Variants in CAMK2D observed in about 807,000 individuals in gnomAD.
CAMK2D encodes the protein calcium/calmodulin dependent protein kinase II delta.
In CAMK2D, 37 loss-of-function variants were observed where a neutral mutation model predicts 84.0. The observed-to-expected ratio is 0.44, with a 90% confidence interval of 0.34 to 0.58. The LOEUF (loss-of-function observed/expected upper bound fraction) is 0.58. Ranked by LOEUF, CAMK2D falls within the 20% of genes least tolerant of loss-of-function variation. CAMK2D has a pLI of 0.02. For synonymous variants in CAMK2D, 202 were observed against 212.5 expected, an observed-to-expected ratio of 0.95 and a Z score of 0.43; for missense variants, 448 against 652.5, an observed-to-expected ratio of 0.69 and a Z score of 3.41.
At chr4:113,700,594 G>A (rs1313093523) in intron 2 of CAMK2D, among the ~76,000 whole-genome samples, 1 of 152,168 alleles carries the variant, frequency 6.6e-6, no homozygotes, top group African/African-American at 2.4e-5. Flanking sequence ...CAAAACCAGA[G>A]TAGTGTAAGA....
At chr4:113,613,752 GT>G (rs1240200344) in intron 3 of CAMK2D, among the ~76,000 whole-genome samples, 2 of 152,106 alleles carry the variant, frequency 1.3e-5, no homozygotes, top group Non-Finnish European at 2.9e-5. Context: ...ATGCTAGCAA[GT>G]TGAAGAATCT....
chr4:113,470,009 C>T (rs1291315729), intron 16 of CAMK2D, among the ~76,000 whole-genome samples: 1 of 151,560 alleles, frequency 6.6e-6, no homozygotes, highest in Non-Finnish European at 1.5e-5. Flanking sequence ...GCAACCACCT[C>T]TCTCTCTCTC....
chr4:113,710,290 G>A (rs1010452612), intron 2 of CAMK2D, among the ~76,000 whole-genome samples: 2 of 152,056 alleles, frequency 1.3e-5, no homozygotes, highest in African/African-American at 2.4e-5. Flanking sequence ...TAATTTAGAG[G>A]ATATTCATAT....
chr4:113,681,989 T>C (rs988426409), intron 2 of CAMK2D, among the ~76,000 whole-genome samples: 5 of 152,138 alleles, frequency 3.3e-5, no homozygotes, highest in Non-Finnish European at 7.4e-5. Flanking sequence ...TACCAAAATA[T>C]ACTAGAAAAA....
chr4:113,518,639 G>C (rs2098316855), intron 8 of CAMK2D, among the ~76,000 whole-genome samples: 1 of 152,006 alleles, frequency 6.6e-6, no homozygotes, highest in South Asian at 2.1e-4. Context: ...CTTTTTTCTT[G>C]CTATGTTTCC....
chr4:113,701,877 T>G (rs1265751587), intron 2 of CAMK2D, among the ~76,000 whole-genome samples: 1 of 152,032 alleles, frequency 6.6e-6, no homozygotes, highest in Non-Finnish European at 1.5e-5. Context: ...GCCCAGCAAA[T>G]TTTTGTAGAG....
At chr4:113,615,090 T>C (rs1014957096) in intron 3 of CAMK2D, among the ~76,000 whole-genome samples, 3 of 152,114 alleles carry the variant, frequency 2.0e-5, no homozygotes, top group African/African-American at 7.2e-5. Context: ...TAGTTGGATT[T>C]GGTTCACATA....
At chr4:113,710,694 T>C (rs2099489495) in intron 2 of CAMK2D, among the ~76,000 whole-genome samples, 2 of 152,224 alleles carry the variant, frequency 1.3e-5, no homozygotes, top group Non-Finnish European at 2.9e-5. Context: ...ATATTGCTGC[T>C]GTCTCAGCTG....
chr4:113,556,000 C>G (rs552634116), intron 4 of CAMK2D, among the ~76,000 whole-genome samples: 1 of 152,112 alleles, frequency 6.6e-6, no homozygotes, highest in African/African-American at 2.4e-5. Context: ...AACCAGACCA[C>G]GCTGGCACGC....
At chr4:113,595,263 A>G (rs2098919134) in intron 4 of CAMK2D, among the ~76,000 whole-genome samples, 2 of 151,426 alleles carry the variant, frequency 1.3e-5, no homozygotes, top group African/African-American at 4.8e-5. Context: ...TGTTTAAAAC[A>G]AAGTTTTCAG....
intron 8 of CAMK2D, among the ~76,000 whole-genome samples, chr4:113,524,482 A>C (rs2098401306): frequency 6.6e-6 from 1 of 152,146 alleles, no homozygotes; most frequent in African/African-American, 2.4e-5. Flanking sequence ...CTTCTTTTTT[A>C]AGGTTGTATA....
chr4:113,688,910 C>CAAAAAAAAAAAAAAAAAAAAAATAA (rs2099369026), intron 2 of CAMK2D, among the ~76,000 whole-genome samples: 1 of 49,716 alleles, frequency 2.0e-5, no homozygotes, highest in Admixed American at 2.8e-4. Flanking sequence ...AAAGAAGATG[C>CAAAAAAAAAAAAAAAAAAAAAATAA]AAAAAAAAAA....
chr4:113,618,435 C>G (rs2099030762), intron 3 of CAMK2D, among the ~76,000 whole-genome samples: 1 of 152,142 alleles, frequency 6.6e-6, no homozygotes, highest in Non-Finnish European at 1.5e-5. Context: ...TTAACACTTG[C>G]AACTGTATTT....
At chr4:113,749,459 A>T (rs1423070558) in intron 2 of CAMK2D, among the ~76,000 whole-genome samples, 2 of 152,188 alleles carry the variant, frequency 1.3e-5, no homozygotes, top group Admixed American at 1.3e-4. Flanking sequence ...ACTAAAAAAA[A>T]TCAAATATCC....
At chr4:113,635,781 T>C (rs2099107712) in intron 3 of CAMK2D, among the ~76,000 whole-genome samples, 1 of 152,216 alleles carries the variant, frequency 6.6e-6, no homozygotes, top group Non-Finnish European at 1.5e-5. Context: ...GCATTTATGG[T>C]ATATTGATAA....
At chr4:113,508,956 T>C (rs990733519) in intron 13 of CAMK2D, among the ~76,000 whole-genome samples, 2 of 152,220 alleles carry the variant, frequency 1.3e-5, no homozygotes, top group African/African-American at 4.8e-5. Context: ...ACAAACATCA[T>C]TATGTACCAT....
chr4:113,466,024 G>C (rs2097457345), intron 16 of CAMK2D, among the ~76,000 whole-genome samples: 1 of 152,016 alleles, frequency 6.6e-6, no homozygotes, highest in African/African-American at 2.4e-5. Context: ...GGCCGAGGTG[G>C]GCGGATCACC....
intron 16 of CAMK2D, among the ~76,000 whole-genome samples, chr4:113,480,214 C>T (rs35370464): frequency 0.19 from 28,494 of 151,904 alleles, 3,104 homozygotes; most frequent in Non-Finnish European, 0.26. Context: ...CCGCCCGCCT[C>T]GGCCTCCCAA....
intron 2 of CAMK2D, among the ~76,000 whole-genome samples, chr4:113,721,975 G>C (rs1216626804): frequency 6.6e-6 from 1 of 151,996 alleles, no homozygotes; most frequent in Non-Finnish European, 1.5e-5. Context: ...ACTAAGTTAG[G>C]AATATAAACT....
Sources: allele counts gnomAD v4.1 joint callset (sites outside exome capture counted in the v4.1 genomes callset), GRCh38; gene constraint gnomAD v4.1.1; transcripts MANE v1.5; gene names NCBI Gene and HGNC (gene_info 2026-07-23, HGNC 2026-07-21).